The following NTM variants were observed in gnomAD, a reference collection of about 807,000 sequenced individuals.
NTM encodes neurotrimin.
In NTM, 13 loss-of-function variants were observed where a neutral mutation model predicts 42.1. The observed-to-expected ratio is 0.31, with a 90% CI of 0.20 to 0.49. NTM has a LOEUF of 0.49. Among genes scored for constraint, NTM ranks in the 20% least tolerant of loss-of-function variants. NTM has a pLI of 0.99. For synonymous variants in NTM, 187 were observed against 179.2 expected (o/e 1.04, Z -0.35); for missense variants, 373 against 452.8 (o/e 0.82, Z 1.60).
intron 2 of NTM, among the ~76,000 whole-genome samples, chr11:132,050,455 A>AT (rs1183256183): frequency 2.0e-5 from 3 of 152,126 alleles, no homozygotes; most frequent in African/African-American, 4.8e-5. Flanking sequence ...TGGGCAAATG[A>AT]TTTTTTTGTA....
intron 1 of NTM, among the ~76,000 whole-genome samples, chr11:131,401,799 AATATATATATATATATATATAT>A (rs61167647): frequency 0.028 from 963 of 34,992 alleles, 56 homozygotes; most frequent in African/African-American, 0.081. Flanking sequence ...GGCCACTGGA[AATATATATATATATATATATAT>A]ATATATATAT....
At chr11:131,873,152 C>A (rs1024437849) in intron 1 of NTM, among the ~76,000 whole-genome samples, 10 of 152,070 alleles carry the variant, frequency 6.6e-5, no homozygotes, top group Admixed American at 1.3e-4. Flanking sequence ...GAAAATGTGG[C>A]ACATATACAC....
At chr11:132,259,932 A>G (rs939789880) in intron 4 of NTM, among the ~76,000 whole-genome samples, 5 of 152,010 alleles carry the variant, frequency 3.3e-5, no homozygotes, top group African/African-American at 9.6e-5. Flanking sequence ...TATTTTTTGT[A>G]GAGACGGGGT....
intron 1 of NTM, among the ~76,000 whole-genome samples, chr11:131,599,069 C>T (rs1022207430): frequency 3.3e-5 from 5 of 151,930 alleles, no homozygotes. Context: ...CGTGTGCCAC[C>T]ACGCCTGGCT....
chr11:131,516,464 G>T (rs189390091), intron 1 of NTM, among the ~76,000 whole-genome samples: 1 of 152,044 alleles, frequency 6.6e-6, no homozygotes, highest in African/African-American at 2.4e-5. Flanking sequence ...CGCAATCTCC[G>T]CCTCCCGGGT....
At chr11:131,556,735 T>G (rs1280984640) in intron 1 of NTM, among the ~76,000 whole-genome samples, 2 of 151,850 alleles carry the variant, frequency 1.3e-5, no homozygotes, top group Non-Finnish European at 2.9e-5. Context: ...ACCCAGCTAA[T>G]TTTTGTATTT....
intron 2 of NTM, among the ~76,000 whole-genome samples, chr11:131,985,540 G>A (rs376372700): frequency 7.9e-5 from 12 of 152,306 alleles, no homozygotes; most frequent in Admixed American, 6.5e-4. Flanking sequence ...GCCTCAGGCG[G>A]CATCCGGGAA....
chr11:131,991,894 A>G (rs570710524), intron 2 of NTM, among the ~76,000 whole-genome samples: 3 of 152,302 alleles, frequency 2.0e-5, no homozygotes. Flanking sequence ...GGTTGATGAT[A>G]GTGGACAGGT....
intron 8 of NTM, among the ~76,000 whole-genome samples, chr11:132,330,440 T>G (rs552546281): frequency 6.6e-6 from 1 of 152,314 alleles, no homozygotes; most frequent in East Asian, 1.9e-4. Flanking sequence ...CACCTGTCAG[T>G]GCCCAGAATA....
chr11:132,215,973 G>T (rs1310244788), intron 4 of NTM, among the ~76,000 whole-genome samples: 3 of 152,222 alleles, frequency 2.0e-5, no homozygotes, highest in Non-Finnish European at 2.9e-5. Flanking sequence ...GGCACCGTTG[G>T]TGGAACCCTA....
chr11:132,155,392 C>T (rs1378855768), intron 3 of NTM, among the ~76,000 whole-genome samples: 1 of 152,192 alleles, frequency 6.6e-6, no homozygotes, highest in Non-Finnish European at 1.5e-5. Context: ...CAGGTGCTTA[C>T]ATCCATTTGT....
At chr11:132,183,659 G>T (rs2077940039) in intron 3 of NTM, among the ~76,000 whole-genome samples, 1 of 152,040 alleles carries the variant, frequency 6.6e-6, no homozygotes, top group Non-Finnish European at 1.5e-5. Context: ...CACCAGACAA[G>T]TATATCTTCT....
intron 1 of NTM, among the ~76,000 whole-genome samples, chr11:131,694,987 T>G (rs1023702360): frequency 3.0e-4 from 46 of 152,166 alleles, no homozygotes; most frequent in Admixed American, 9.2e-4. Context: ...GCCATGAAAT[T>G]GCGACCTGCT....
At chr11:131,417,959 C>G (rs1429655599) in intron 1 of NTM, among the ~76,000 whole-genome samples, 1 of 152,160 alleles carries the variant, frequency 6.6e-6, no homozygotes, top group Non-Finnish European at 1.5e-5. Context: ...AGTTTTGTTA[C>G]AGGTTTCATT....
intron 1 of NTM, among the ~76,000 whole-genome samples, chr11:131,716,194 C>T (rs919701456): frequency 1.3e-5 from 2 of 152,082 alleles, no homozygotes; most frequent in African/African-American, 4.8e-5. Context: ...TCGCCTGGGC[C>T]TTTTTTATAA....
At chr11:131,508,854 G>T (rs1456953789) in intron 1 of NTM, among the ~76,000 whole-genome samples, 3 of 146,202 alleles carry the variant, frequency 2.1e-5, no homozygotes, top group African/African-American at 7.6e-5. Flanking sequence ...ATGGACACAG[G>T]AAGGGGAATA....
At chr11:131,529,367 A>C (rs2050932467) in intron 1 of NTM, among the ~76,000 whole-genome samples, 1 of 152,264 alleles carries the variant, frequency 6.6e-6, no homozygotes, top group Non-Finnish European at 1.5e-5. Flanking sequence ...ACATGTGTAC[A>C]TGCTTGCACG....
chr11:132,019,478 A>G (rs932435784), intron 2 of NTM, among the ~76,000 whole-genome samples: 2 of 151,836 alleles, frequency 1.3e-5, no homozygotes, highest in Non-Finnish European at 2.9e-5. Flanking sequence ...TGCTTGCTGT[A>G]TTTTGAGATT....
At chr11:131,391,050 C>T (rs562048674) in intron 1 of NTM, among the ~76,000 whole-genome samples, 175 of 152,254 alleles carry the variant, frequency 1.1e-3, no homozygotes, top group Non-Finnish European at 1.9e-3. Context: ...CACGGGGCTG[C>T]GGGGAAAGGC....
Sources: gnomAD v4.1 joint callset for allele counts (sites outside exome capture counted in the v4.1 genomes callset) on GRCh38, gnomAD v4.1.1 for gene constraint, MANE v1.5 for transcripts, NCBI Gene and HGNC (gene_info 2026-07-23, HGNC 2026-07-21) for gene names.